BICD1: variants seen among roughly 807,000 people sequenced by gnomAD.
The protein encoded by BICD1 is BICD cargo adaptor 1, also known as protein bicaudal D homolog 1.
BICD1 carries 35 observed loss-of-function variants against 92.5 expected under a neutral mutation model. The ratio of observed to expected loss-of-function variants is 0.38; its 90% confidence interval spans 0.29 to 0.50. The LOEUF is 0.50. Among genes scored for constraint, BICD1 ranks in the 20% least tolerant of loss-of-function variants. The probability of loss-of-function intolerance (pLI) is 0.93; values close to 1 mark genes in which losing one functional copy is unlikely to be tolerated. For missense variants in BICD1, 950 were observed against 1,189.8 expected (o/e 0.80, Z 2.97); for synonymous variants, 429 against 465.1 (o/e 0.92, Z 1.00).
chr12:32,264,399 A>G (rs564552310), intron 2 of BICD1, among the ~76,000 whole-genome samples: 5 of 152,358 alleles, frequency 3.3e-5, no homozygotes, highest in South Asian at 4.1e-4. Flanking sequence ...ATGATTGGCT[A>G]TATGTTTACA....
At chr12:32,117,272 C>T (rs978717191) in intron 1 of BICD1, among the ~76,000 whole-genome samples, 2 of 152,012 alleles carry the variant, frequency 1.3e-5, no homozygotes, top group African/African-American at 4.8e-5. Context: ...CATTCTTATT[C>T]GGATTTCTTT....
intron 1 of BICD1, among the ~76,000 whole-genome samples, chr12:32,110,681 A>G (rs987697659): frequency 1.3e-5 from 2 of 152,174 alleles, no homozygotes; most frequent in African/African-American, 2.4e-5. Flanking sequence ...CATAGCTCCA[A>G]AATAACCTGA....
At chr12:32,282,384 C>T (rs1048089407) in intron 2 of BICD1, among the ~76,000 whole-genome samples, 43 of 151,964 alleles carry the variant, frequency 2.8e-4, no homozygotes, top group African/African-American at 9.7e-4. Flanking sequence ...CCACACCCAG[C>T]TAATTTTTGT....
At chr12:32,249,721 C>T (rs1264819716) in intron 2 of BICD1, among the ~76,000 whole-genome samples, 1 of 147,922 alleles carries the variant, frequency 6.8e-6, no homozygotes, top group Non-Finnish European at 1.5e-5. Flanking sequence ...AAATGTATTT[C>T]GTTAATTAGC....
chr12:32,212,207 TTTTTTGTTTTTG>T (rs1304879939), intron 1 of BICD1, among the ~76,000 whole-genome samples: 2 of 151,936 alleles, frequency 1.3e-5, no homozygotes, highest in Admixed American at 1.3e-4. Flanking sequence ...TTTTCAGTGT[TTTTTTGTTTTTG>T]TTTTTGTTTT....
rs73301994 is a variant in BICD1, at chr12:32,339,976, C to T, written c.2764+997C>T. ...TGGCTGCTGCTGTTAGGGCAAGCTTCGCACTTTGCCACAGTCACCACTCCT... is the reference window on the plus strand; with the variant it reads ...TGGCTGCTGCTGTTAGGGCAAGCTTTGCACTTTGCCACAGTCACCACTCCT... On this transcript the variant is annotated intron_variant, in intron 8 of 9. Transcript: ENST00000652176. 5,251 of 832,584 alleles carry T rather than the reference C, an allele frequency of 6.3e-3. 223 individuals carry two copies. The African/African-American group carries it at 0.088, about 14-fold the overall frequency. 51.6% of individuals were successfully genotyped at this position (832,584 alleles called of 1,614,324 possible).
intron 1 of BICD1, among the ~76,000 whole-genome samples, chr12:32,163,532 G>A (rs1205355979): frequency 6.6e-6 from 1 of 152,064 alleles, no homozygotes; most frequent in Non-Finnish European, 1.5e-5. Context: ...AAGACATTAT[G>A]TATTCAGTTT....
chr12:32,314,808 G>A (rs1948458312), intron 4 of BICD1, among the ~76,000 whole-genome samples: 1 of 151,670 alleles, frequency 6.6e-6, no homozygotes, highest in Admixed American at 6.6e-5. Context: ...TGCCCAGGCT[G>A]GAGTGCAGTG....
chr12:32,167,984 A>C (rs1190752805), intron 1 of BICD1, among the ~76,000 whole-genome samples: 1 of 150,380 alleles, frequency 6.6e-6, no homozygotes, highest in African/African-American at 2.4e-5. Flanking sequence ...TCAACAGGTA[A>C]CATGAAGGTT....
chr12:32,287,617 A>G (rs1947606799), intron 2 of BICD1, among the ~76,000 whole-genome samples: 2 of 151,090 alleles, frequency 1.3e-5, no homozygotes, highest in Non-Finnish European at 2.9e-5. Context: ...GCTCACTGCA[A>G]GCTCTGCCTC....
At chr12:32,159,554 A>G (rs1943540067) in intron 1 of BICD1, among the ~76,000 whole-genome samples, 1 of 152,174 alleles carries the variant, frequency 6.6e-6, no homozygotes, top group Admixed American at 6.5e-5. Flanking sequence ...TCCTTTGTCT[A>G]TTAATACAGC....
At chr12:32,185,125 G>A (rs943087382) in intron 1 of BICD1, among the ~76,000 whole-genome samples, 1 of 152,162 alleles carries the variant, frequency 6.6e-6, no homozygotes, top group Non-Finnish European at 1.5e-5. Flanking sequence ...CAAGCCACTG[G>A]TAGAGCCCCT....
chr12:32,170,049 A>G (rs919933183), intron 1 of BICD1, among the ~76,000 whole-genome samples: 1 of 152,228 alleles, frequency 6.6e-6, no homozygotes, highest in Non-Finnish European at 1.5e-5. Flanking sequence ...CACAGGGCCC[A>G]CATGAAACCT....
At chr12:32,165,675 T>G (rs1943739661) in intron 1 of BICD1, among the ~76,000 whole-genome samples, 1 of 112,300 alleles carries the variant, frequency 8.9e-6, no homozygotes, top group African/African-American at 3.4e-5. Flanking sequence ...AGAGCCAGAC[T>G]CTGTCTCAAA....
At chr12:32,215,342 T>G (rs1296159724) in intron 1 of BICD1, among the ~76,000 whole-genome samples, 2 of 151,954 alleles carry the variant, frequency 1.3e-5, no homozygotes, top group Non-Finnish European at 1.5e-5. Flanking sequence ...GTGACCAGTT[T>G]AGTTTCTACT....
chr12:32,144,532 C>T (rs567320299), intron 1 of BICD1, among the ~76,000 whole-genome samples: 3 of 152,216 alleles, frequency 2.0e-5, no homozygotes, highest in Non-Finnish European at 4.4e-5. Flanking sequence ...CTTAGATATA[C>T]GAAACATTTT....
At position 32,285,410 on chromosome 12, in the gene BICD1, TTAA is replaced by T. The variant is rs539571503; in HGVS notation, c.427-8581_427-8579del. On this transcript the variant is annotated intron_variant, in intron 2 of 9. Coordinates refer to ENST00000652176, the MANE Select transcript of BICD1 (RefSeq NM_001714.4). ...TGTTACCCACCTAACCAAGCTATTA[TTAA>T]TATCTAATGTGACAATGGGTATAAT... Among the ~76,000 whole-genome samples the T allele has an allele frequency of 1.4e-4, 22 of 152,276 alleles. No homozygotes were observed. In the South Asian group the frequency reaches 4.1e-3, roughly 29 times the overall value.
At chr12:32,339,035 C>T (rs2291419) in intron 8 of BICD1, 56 bp downstream of exon 8, 403,420 of 1,486,708 alleles carry the variant, frequency 0.27, 56,363 homozygotes, top group Middle Eastern at 0.42. Flanking sequence ...AATAGACTCT[C>T]CCCTTCCTTC....
At chr12:32,220,005 T>G (rs1945468550) in intron 2 of BICD1, among the ~76,000 whole-genome samples, 1 of 152,180 alleles carries the variant, frequency 6.6e-6, no homozygotes, top group Non-Finnish European at 1.5e-5. Context: ...GGATTCCCTA[T>G]TTAATAAATG....
Sources: gnomAD v4.1 joint callset for allele counts (sites outside exome capture counted in the v4.1 genomes callset) on GRCh38, gnomAD v4.1.1 for gene constraint, MANE v1.5 for transcripts, NCBI Gene and HGNC (gene_info 2026-07-23, HGNC 2026-07-21) for gene names.